PRR36: variants seen among roughly 807,000 people sequenced by gnomAD.
The protein encoded by PRR36 is proline rich 36.
Under a neutral mutation model 58.6 loss-of-function variants are expected in PRR36, and 30 were observed. That is an observed-to-expected ratio of 0.51 (90% CI 0.38 to 0.69). The LOEUF (loss-of-function observed/expected upper bound fraction) is 0.69, where lower values mean the gene tolerates loss of function less well. Among genes scored for constraint, PRR36 ranks in the 30% least tolerant of loss-of-function variants. The probability of loss-of-function intolerance (pLI) is 0.00; values close to 1 mark genes in which losing one functional copy is unlikely to be tolerated. For missense variants in PRR36, 1,692 were observed against 1,805.6 expected (o/e 0.94, Z 1.14); for synonymous variants, 771 against 829.3 (o/e 0.93, Z 1.21).
Position 7,872,210 on chromosome 19 carries a change from A to T in PRR36, c.1034T>A (p.Leu345His). ...PPVTPPPPAA[L>H]QSQAPPTLPA... ...CAGGGTGGGCGGGGCCTGACTTTGG[A>T]GAGCGGCTGGCGGAGGGGGCGTTAC... is the stretch of plus-strand genomic sequence containing the variant. Residue 345 changes from leucine (L) to histidine (H), a missense_variant, in exon 5 of 6, where the codon CTC (leucine) becomes CAC (histidine). Physicochemically the swap from Leu to His is moderately conservative, Grantham distance 99. Transcript: ENST00000618550. This position sits in a 1 kb window ranked among gnomAD's most constrained non-coding sequence, Gnocchi z 6.1. The T allele has an allele frequency of 7.1e-7, 1 of 1,415,936 alleles. No homozygotes were observed. The highest frequency in any genetic ancestry group is 9.2e-7 in the Non-Finnish European group (1 of 1,089,252). 87.7% of individuals were successfully genotyped at this position (1,415,936 alleles called of 1,614,324 possible).
chr19:7,870,307 G>C lies in PRR36; in HGVS notation c.2937C>G (p.Val979=). The change falls in exon 5 of 6, where the codon GTC becomes GTG. Residue 979 remains valine, a synonymous_variant. Coordinates refer to ENST00000618550, the MANE Select transcript of PRR36 (RefSeq NM_001190467.2). Reference sequence around the variant, plus strand: ...GAGGAGGAGCGGCAAGAAGGGGTGGGACCCGTGGAGGGGGCGTGGCCGAAG... The same window carrying C: ...GAGGAGGAGCGGCAAGAAGGGGTGGCACCCGTGGAGGGGGCGTGGCCGAAG... The part of the protein sequence containing the change: ...MSPSATPPPR[V]PPLLAAPPLQ... 3.3e-6 allele frequency: 4 copies of C among 1,199,908 alleles called. No homozygotes were observed. Among genetic ancestry groups the C allele is most frequent in the Non-Finnish European group, 4.1e-6 (4 of 965,288 alleles). 74.3% of individuals were successfully genotyped at this position (1,199,908 alleles called of 1,614,324 possible).
At position 7,872,733 on chromosome 19, in the gene PRR36, T is replaced by C; in HGVS notation, c.511A>G (p.Thr171Ala). ...RRDTSGPTPG[T>A]PSPAMARRSR... is the part of the protein sequence containing the mutation. ...CGACGGGCCATGGCCGGGGACGGGG[T>C]TCCTGGGGTAGGCCCGGAAGTGTCT... The change falls in exon 5 of 6, where the codon ACC (threonine) becomes GCC (alanine). Residue 171 changes from threonine to alanine, a missense_variant. Physicochemically the swap from Thr to Ala is moderately conservative, Grantham distance 58. Around this residue, in one of 5 missense-constraint regions of PRR36, gnomAD observed 975 missense variants for 955.2 expected, o/e 1.02. Transcript: ENST00000618550. This position sits in a 1 kb window ranked among gnomAD's most constrained non-coding sequence, Gnocchi z 6.1. 1 of 1,448,352 alleles carries C rather than the reference T, an allele frequency of 6.9e-7. No individual in the cohort carries two copies. Among genetic ancestry groups the C allele is most frequent in the African/African-American group, 1.4e-5 (1 of 69,810 alleles). The allele number at this position is 1,448,352 out of a possible 1,614,324, so 89.7% of individuals were successfully genotyped here.
At position 7,871,528 on chromosome 19, in the gene PRR36, A is replaced by T. The variant is rs1397747652; in HGVS notation, c.1716T>A (p.Thr572=). The change falls in exon 5 of 6, where the codon ACT becomes ACA. Residue 572 remains threonine, a synonymous_variant. Transcript: ENST00000618550. ...PPHPQAPPSM[T]TPPMQAPPSL... ...AGGGCGGGGCCTGCATAGGGGGCGT[A>T]GTCATAGAAGGTGGGGCCTGTGGGT... The T allele has an allele frequency of 2.6e-6, 4 of 1,532,676 alleles. 1 individual carries two copies. The highest frequency in any genetic ancestry group is 1.4e-5 in the African/African-American group (1 of 71,982). 94.9% of individuals were successfully genotyped at this position (1,532,676 alleles called of 1,614,324 possible).
rs1217856118 is a variant in PRR36, at chr19:7,871,871, AGAG to A, written c.1370_1372del (p.Pro457del). On this transcript the variant is annotated inframe_deletion, in exon 5 of 6. Transcript: ENST00000618550. ...GCCTTGTAGAGGAGACATGGCTGAC[AGAG>A]GAGGTGTGGCCAAGGGAGAGAGGAG... The A allele has an allele frequency of 6.5e-7, 1 of 1,535,912 alleles. No individual in the cohort carries two copies.
Position 7,870,655 on chromosome 19 carries a change from AG to A in PRR36, c.2588del (p.Pro863LeufsTer59), listed in dbSNP as rs1980374459. The A allele has an allele frequency of 2.6e-6, 2 of 778,968 alleles. No homozygotes were observed. Among genetic ancestry groups the A allele is most frequent in the Non-Finnish European group, 1.5e-6 (1 of 655,790 alleles). The allele number at this position is 778,968 out of a possible 1,614,324, so 48.3% of individuals were successfully genotyped here. The part of the protein sequence containing the change: ...QAPPSPPASP[P>X]LSPLATPSPQ... Reference sequence around the variant, plus strand: ...GAGAGGGTGTGGCCAAAGGAGACAGAGGGGGTGAGGCAGGGGGAGAGGGAGG... The same window carrying A: ...GAGAGGGTGTGGCCAAAGGAGACAGAGGGGTGAGGCAGGGGGAGAGGGAGG... On this transcript the variant is annotated frameshift_variant, in exon 5 of 6. Transcript: ENST00000618550. LOFTEE classifies it high-confidence loss of function.
In PRR36 at chr19:7,869,989, C is replaced by T. The variant is rs1011549766; in HGVS notation, c.3255G>A (p.Pro1085=). ...QAPRRPPTPG[P]DTSVSGPRLT... ...GCCGTGGGCCCGAGACGGAGGTATCCGGACCCGGGGTCGGGGGGCGGCGTG... is the reference window on the plus strand; with the variant it reads ...GCCGTGGGCCCGAGACGGAGGTATCTGGACCCGGGGTCGGGGGGCGGCGTG... Residue 1085 remains proline, a synonymous_variant, in exon 5 of 6, where the codon CCG becomes CCA. Coordinates refer to ENST00000618550, the MANE Select transcript of PRR36 (RefSeq NM_001190467.2). 7 of 1,400,874 alleles carry T rather than the reference C, an allele frequency of 5.0e-6. No individual in the cohort carries two copies. The African/African-American group carries it at 6.1e-5, about 12-fold the overall frequency. The allele number at this position is 1,400,874 out of a possible 1,614,324, so 86.8% of individuals were successfully genotyped here. A position where few individuals can be genotyped will look rare whatever the true frequency, so the allele number is the denominator to read the frequency against.
chr19:7,868,859 G>C lies in PRR36; in HGVS notation c.*174C>G. The C allele has an allele frequency of 1.4e-6, 1 of 711,162 alleles. No homozygotes were observed. Among genetic ancestry groups the C allele is most frequent in the South Asian group, 2.2e-5 (1 of 44,702 alleles). The allele number at this position is 711,162 out of a possible 1,614,324, so 44.1% of individuals were successfully genotyped here. On this transcript the variant is annotated 3_prime_UTR_variant, in exon 6 of 6. Coordinates refer to ENST00000618550, the MANE Select transcript of PRR36 (RefSeq NM_001190467.2). ...GCTCGAGGGGCGGGCCTAGGTCAAA[G>C]CTGTGGGTAGGTCCCGAGCCTCCGA... is the stretch of plus-strand genomic sequence containing the variant.
Position 7,872,553 on chromosome 19 carries a change from C to G in PRR36, c.691G>C (p.Gly231Arg). The change falls in exon 5 of 6, where the codon GGT becomes CGT. Residue 231 changes from glycine to arginine, a missense_variant. By Grantham distance (125) the Gly-to-Arg change is moderately radical. Transcript: ENST00000618550. The surrounding 1 kb of genome is among the most constrained non-coding windows in gnomAD (Gnocchi z 6.1). The part of the protein sequence containing the change: ...SPAARRRPSA[G>R]GGLQRPASRS... ...GAGGCCGGCCTCTGGAGACCCCCAC[C>G]GGCGCTGGGCCGCCTCCTGGCAGCC... 1.3e-6 allele frequency: 2 copies of G among 1,520,648 alleles called. No homozygotes were observed. Among genetic ancestry groups the G allele is most frequent in the African/African-American group, 2.8e-5 (2 of 71,830 alleles). The allele number at this position is 1,520,648 out of a possible 1,614,324, so 94.2% of individuals were successfully genotyped here.
chr19:7,870,280 C>G lies in PRR36; in HGVS notation c.2964G>C (p.Leu988=). 1 of 1,302,358 alleles carries G rather than the reference C, an allele frequency of 7.7e-7. No homozygotes were observed. The allele number at this position is 1,302,358 out of a possible 1,614,324, so 80.7% of individuals were successfully genotyped here. Residue 988 remains leucine, a synonymous_variant, in exon 5 of 6, where the codon CTG becomes CTC. Coordinates refer to ENST00000618550, the MANE Select transcript of PRR36 (RefSeq NM_001190467.2). ...RVPPLLAAPP[L]QVPPSPPASL... ...AGGCAGGGGGAGAGGGCGGGACCTG[C>G]AGAGGAGGAGCGGCAAGAAGGGGTG...
At position 7,869,131 on chromosome 19, in the gene PRR36, A is replaced by G. The variant is rs1250990929; in HGVS notation, c.3943T>C (p.Ser1315Pro). ...GTGACCGAGGTGATGCTGGCACGGG[A>G]CTCGTCCAGGGGAGACAGTAGTTCG... ...WAELLSPLDE[S>P]RASITSVTSF... Residue 1315 changes from serine to proline, a missense_variant, in exon 6 of 6, where the codon TCC (serine) becomes CCC (proline). By Grantham distance (74) the Ser-to-Pro change is moderately conservative. This residue lies in a region of PRR36 where 485 missense variants were observed against 549.2 expected (regional missense o/e 0.88). Transcript: ENST00000618550. The G allele has an allele frequency of 6.5e-7, 1 of 1,534,802 alleles. No homozygotes were observed. Among genetic ancestry groups the G allele is most frequent in the Non-Finnish European group, 8.7e-7 (1 of 1,146,462 alleles).
In PRR36 at chr19:7,872,654, C is replaced by T. The variant is rs916733788; in HGVS notation, c.590G>A (p.Arg197Gln). Residue 197 changes from arginine to glutamine, a missense_variant, in exon 5 of 6, where the codon CGG becomes CAG. Transcript: ENST00000618550. The surrounding 1 kb of genome is among the most constrained non-coding windows in gnomAD (Gnocchi z 6.1). ...VGLPRPAPSARPRPPTEGPRK... is the reference protein window; with the variant it reads ...VGLPRPAPSAQPRPPTEGPRK... Reference sequence around the variant, plus strand: ...GGGGCCCTCTGTCGGGGGCCGTGGCCGGGCACTCGGAGCTGGCCGGGGGAG... The same window carrying T: ...GGGGCCCTCTGTCGGGGGCCGTGGCTGGGCACTCGGAGCTGGCCGGGGGAG... 2 of 1,472,652 alleles carry T rather than the reference C, an allele frequency of 1.4e-6. No individual in the cohort carries two copies. The highest frequency in any genetic ancestry group is 1.8e-6 in the Non-Finnish European group (2 of 1,116,450). The allele number at this position is 1,472,652 out of a possible 1,614,324, so 91.2% of individuals were successfully genotyped here.
chr19:7,872,578 C>T lies in PRR36; in HGVS notation c.666G>A (p.Pro222=), dbSNP rs764243622. ...ASEHSTTEPS[P]AARRRPSAGG... is the part of the protein sequence containing the mutation. Reference sequence around the variant, plus strand: ...CGGCGCTGGGCCGCCTCCTGGCAGCCGGGCTTGGCTCGGTGGTACTGTGCT... The same window carrying T: ...CGGCGCTGGGCCGCCTCCTGGCAGCTGGGCTTGGCTCGGTGGTACTGTGCT... The change falls in exon 5 of 6, where the codon CCG becomes CCA. Residue 222 remains proline (P), a synonymous_variant. Transcript: ENST00000618550. This position sits in a 1 kb window ranked among gnomAD's most constrained non-coding sequence, Gnocchi z 6.1. 5.5e-5 allele frequency: 84 copies of T among 1,523,508 alleles called. No individual in the cohort carries two copies. In the African/African-American group the frequency reaches 1.1e-3, roughly 20 times the overall value. 94.4% of individuals were successfully genotyped at this position (1,523,508 alleles called of 1,614,324 possible). A position where few individuals can be genotyped will look rare whatever the true frequency, so the allele number is the denominator to read the frequency against.
In PRR36 at chr19:7,871,484, G is replaced by A. The variant is rs1423863083; in HGVS notation, c.1760C>T (p.Pro587Leu). 6.5e-7 allele frequency: 1 copy of A among 1,535,694 alleles called. No homozygotes were observed. The highest frequency in any genetic ancestry group is 8.7e-7 in the Non-Finnish European group (1 of 1,146,738). Residue 587 changes from proline (P) to leucine (L), a missense_variant, in exon 5 of 6, where the codon CCA becomes CTA. By Grantham distance (98) the Pro-to-Leu change is moderately conservative (BLOSUM62 -3). Coordinates refer to ENST00000618550, the MANE Select transcript of PRR36 (RefSeq NM_001190467.2). ...GGTCAGAGAATGTGGGACCTGTATT[G>A]GGGGAATGGTCTGGAGAGAGGGCGG... ...QAPPSLQTIP[P>L]IQVPHSLTSP...
Position 7,873,313 on chromosome 19 carries a change from G to A in PRR36, c.272-14C>T. 6.5e-7 allele frequency: 1 copy of A among 1,529,196 alleles called. No individual in the cohort carries two copies. Among genetic ancestry groups the A allele is most frequent in the Non-Finnish European group, 8.7e-7 (1 of 1,143,292 alleles). 94.7% of individuals were successfully genotyped at this position (1,529,196 alleles called of 1,614,324 possible). A position where few individuals can be genotyped will look rare whatever the true frequency, so the allele number is the denominator to read the frequency against. ...GGGGCCTGGAGGCTGCGGGGAGAAG[G>A]CCGAGTCACAGGTGCCCCGGAGAGG... is the stretch of plus-strand genomic sequence containing the variant. On this transcript the variant is annotated splice_polypyrimidine_tract_variant and intron_variant, in intron 2 of 5. Transcript: ENST00000618550. This position sits in a 1 kb window ranked among gnomAD's most constrained non-coding sequence, Gnocchi z 5.0.
Position 7,870,697 on chromosome 19 carries a change from CAA to C in PRR36, c.2545_2546del (p.Leu849AlafsTer156). ...PPPQAPPALALPPLQAPPSPP... is the reference protein window; with the variant it reads ...PPPQAPPALAXPPLQAPPSPP... ...GAGAGGGAGGGGCCTGCAGAGGAGG[CAA>C]GGCCAGGGCAGGTGGGGCCTGTGGA... On this transcript the variant is annotated frameshift_variant, in exon 5 of 6. Transcript: ENST00000618550. LOFTEE classifies it high-confidence loss of function. 2 of 1,206,368 alleles carry C rather than the reference CAA, an allele frequency of 1.7e-6. No homozygotes were observed. Among genetic ancestry groups the C allele is most frequent in the Non-Finnish European group, 2.0e-6 (2 of 977,540 alleles). The allele number at this position is 1,206,368 out of a possible 1,614,324, so 74.7% of individuals were successfully genotyped here. A position where few individuals can be genotyped will look rare whatever the true frequency, so the allele number is the denominator to read the frequency against.
At position 7,869,253 on chromosome 19, in the gene PRR36, G is replaced by GCGGCACCCT; in HGVS notation, c.3812_3820dup (p.Glu1271_Ala1273dup). On this transcript the variant is annotated inframe_insertion, in exon 6 of 6. Transcript: ENST00000618550. The stretch of plus-strand genomic sequence containing the variant: ...TCCTGGGCCCCCGCCGCTGCCGCCC[G>GCGGCACCCT]CGGCACCCTCGGCAGCCGCCAGCAG... The GCGGCACCCT allele has an allele frequency of 1.3e-6, 2 of 1,482,562 alleles. No individual in the cohort carries two copies. The highest frequency in any genetic ancestry group is 1.8e-6 in the Non-Finnish European group (2 of 1,126,042). 91.8% of individuals were successfully genotyped at this position (1,482,562 alleles called of 1,614,324 possible).
In PRR36 at chr19:7,872,378, C is replaced by T; in HGVS notation, c.866G>A (p.Arg289Lys). 1 of 1,449,924 alleles carries T rather than the reference C, an allele frequency of 6.9e-7. No individual in the cohort carries two copies. Among genetic ancestry groups the T allele is most frequent in the Non-Finnish European group, 9.0e-7 (1 of 1,107,372 alleles). The allele number at this position is 1,449,924 out of a possible 1,614,324, so 89.8% of individuals were successfully genotyped here. Residue 289 changes from arginine (R) to lysine (K), a missense_variant, in exon 5 of 6, where the codon AGG (arginine) becomes AAG (lysine). Around this residue, in one of 5 missense-constraint regions of PRR36, gnomAD observed 975 missense variants for 955.2 expected, o/e 1.02. Transcript: ENST00000618550. This position sits in a 1 kb window ranked among gnomAD's most constrained non-coding sequence, Gnocchi z 6.1. ...TCCTAGTGCTGGGGCTGCGTCCTTC[C>T]TTGGGGGTGTGACCTGAGGGGGTCG... ...ALRPPQVTPP[R>K]KDAAPALGPL...
In PRR36 at chr19:7,869,156, G is replaced by T; in HGVS notation, c.3918C>A (p.Ala1306=). 5 of 1,535,418 alleles carry T rather than the reference G, an allele frequency of 3.3e-6. No individual in the cohort carries two copies. The highest frequency in any genetic ancestry group is 4.4e-6 in the Non-Finnish European group (5 of 1,146,690). The change falls in exon 6 of 6, where the codon GCC becomes GCA. Residue 1306 remains alanine, a synonymous_variant. Coordinates refer to ENST00000618550, the MANE Select transcript of PRR36 (RefSeq NM_001190467.2). The stretch of plus-strand genomic sequence containing the variant: ...ACTCGTCCAGGGGAGACAGTAGTTC[G>T]GCCCAGCGGCCGAGTTCGGCGTCGC... The part of the protein sequence containing the change: ...ALSDAELGRW[A]ELLSPLDESR...
rs1303583114 is a variant in PRR36, at chr19:7,872,165, G to A, written c.1079C>T (p.Ser360Leu). 2 of 1,467,518 alleles carry A rather than the reference G, an allele frequency of 1.4e-6. No individual in the cohort carries two copies. Among genetic ancestry groups the A allele is most frequent in the Non-Finnish European group, 1.8e-6 (2 of 1,112,576 alleles). The allele number at this position is 1,467,518 out of a possible 1,614,324, so 90.9% of individuals were successfully genotyped here. ...PPTLPATPHS[S>L]SLTCQLATPL... ...CGTGGCCAACTGACAGGTAAGGCTC[G>A]ACGAGTGGGGCGTGGCCGGCAGGGT... Residue 360 changes from serine to leucine, a missense_variant, in exon 5 of 6, where the codon TCG becomes TTG. Ser to Leu is a moderately radical substitution (Grantham distance 145, BLOSUM62 -2). Coordinates refer to ENST00000618550, the MANE Select transcript of PRR36 (RefSeq NM_001190467.2). The surrounding 1 kb of genome is among the most constrained non-coding windows in gnomAD (Gnocchi z 6.1).
Sources: gnomAD v4.1 joint callset for allele counts on GRCh38, gnomAD v4.1.1 for gene constraint, gnomAD v4.1.1 regional missense constraint, Gnocchi (gnomAD v3.1) non-coding constraint, MANE v1.5 for transcripts, NCBI Gene and HGNC (gene_info 2026-07-23, HGNC 2026-07-21) for gene names.